NOX3: variants seen among roughly 807,000 people sequenced by gnomAD.
The protein encoded by NOX3 is NADPH oxidase 3.
A neutral mutation model predicts 76.7 loss-of-function variants in NOX3; 74 were observed. The ratio of observed to expected loss-of-function variants is 0.96; its 90% CI spans 0.80 to 1.17. NOX3 has a LOEUF of 1.17. Ranked by LOEUF, NOX3 falls within the 50% of genes most tolerant of loss-of-function variation. The pLI is 0.00. For synonymous variants in NOX3, 263 were observed against 261.1 expected (o/e 1.01, Z -0.07); for missense variants, 695 against 703.3 (o/e 0.99, Z 0.13).
Position 155,440,138 on chromosome 6 carries a change from C to T in NOX3, c.487-1G>A. 6.5e-7 allele frequency: 1 copy of T among 1,537,260 alleles called. No homozygotes were observed. Among genetic ancestry groups the T allele is most frequent in the Non-Finnish European group, 8.7e-7 (1 of 1,144,292 alleles). ...TCCTTAGCAATTCAGTGGTTGTGTT[C>T]TAAAAAAAACAACAACAACAAAAAA... On this transcript the variant is annotated splice_acceptor_variant, in intron 5 of 13. Coordinates refer to ENST00000159060, the MANE Select transcript of NOX3 (RefSeq NM_015718.3). LOFTEE classifies it high-confidence loss of function.
intron 4 of NOX3, among the ~76,000 whole-genome samples, chr6:155,452,341 T>G (rs1777156125): frequency 6.6e-6 from 1 of 152,232 alleles, no homozygotes; most frequent in Non-Finnish European, 1.5e-5. Flanking sequence ...TACTCAGCAC[T>G]ACTGTGGGCC....
chr6:155,443,537 A>G lies in NOX3; in HGVS notation c.341-119T>C, dbSNP rs866060748. On this transcript the variant is annotated intron_variant, in intron 4 of 13. Transcript: ENST00000159060. ...GTTCTGGTTTTTGTAATCTCCAAGG[A>G]AAAGTGATGTATTTACACATCTTTC... 31 of 1,204,854 alleles carry G rather than the reference A, an allele frequency of 2.6e-5. 1 individual carries two copies. The South Asian group carries it at 5.0e-4, about 19-fold the overall frequency. 74.6% of individuals were successfully genotyped at this position (1,204,854 alleles called of 1,614,324 possible).
intron 9 of NOX3, among the ~76,000 whole-genome samples, chr6:155,423,708 T>C (rs1182072231): frequency 6.6e-6 from 1 of 151,896 alleles, no homozygotes; most frequent in Non-Finnish European, 1.5e-5. Flanking sequence ...CTTGGAATAA[T>C]CTTCTCCAGT....
chr6:155,440,186 C>A, intron 5 of NOX3, 49 bp from the exon 6 acceptor site: 1 of 1,430,970 alleles, frequency 7.0e-7, no homozygotes, highest in Non-Finnish European at 9.4e-7. Flanking sequence ...AAAAAAACAC[C>A]TTGACATTAA....
Position 155,455,740 on chromosome 6 carries a change from A to C in NOX3, c.48+13T>G. Reference sequence around the variant, plus strand: ...CTATATATTTAAAGTTGAATAACAAAAATGATACTTACTACTAATATGGTG... The same window carrying C: ...CTATATATTTAAAGTTGAATAACAACAATGATACTTACTACTAATATGGTG... On this transcript the variant is annotated intron_variant, in intron 1 of 13. Coordinates refer to ENST00000159060, the MANE Select transcript of NOX3 (RefSeq NM_015718.3). The C allele has an allele frequency of 6.2e-7, 1 of 1,605,164 alleles. No homozygotes were observed. Among genetic ancestry groups the C allele is most frequent in the Non-Finnish European group, 8.5e-7 (1 of 1,172,032 alleles).
intron 7 of NOX3, among the ~76,000 whole-genome samples, chr6:155,432,605 T>C (rs897320865): frequency 6.6e-6 from 1 of 152,216 alleles, no homozygotes; most frequent in African/African-American, 2.4e-5. Flanking sequence ...TTTTTGTTGA[T>C]TTCTGGGTCT....
chr6:155,403,291 G>C (rs530608254), intron 12 of NOX3, among the ~76,000 whole-genome samples: 1 of 152,174 alleles, frequency 6.6e-6, no homozygotes, highest in African/African-American at 2.4e-5. Context: ...CTTTTGAAAG[G>C]GTGGTGCTAA....
chr6:155,427,031 T>TGTGTGTGTGTGTGTGTGTGTGG, intron 9 of NOX3, among the ~76,000 whole-genome samples: 1 of 17,268 alleles, frequency 5.8e-5, no homozygotes, highest in East Asian at 3.1e-3. Flanking sequence ...GTGTGTGTGC[T>TGTGTGTGTGTGTGTGTGTGTGG]GGGGGGGTTG....
intron 7 of NOX3, among the ~76,000 whole-genome samples, chr6:155,431,401 A>G (rs1286630296): frequency 8.9e-6 from 1 of 112,034 alleles, no homozygotes; most frequent in Non-Finnish European, 1.8e-5. Context: ...GGTCTGCCTG[A>G]ATAAACACAG....
At chr6:155,449,076 C>A (rs1174245086) in intron 4 of NOX3, among the ~76,000 whole-genome samples, 2 of 152,170 alleles carry the variant, frequency 1.3e-5, no homozygotes, top group African/African-American at 2.4e-5. Flanking sequence ...TGGTTAGGAG[C>A]AATCCTTGAG....
intron 6 of NOX3, among the ~76,000 whole-genome samples, chr6:155,437,439 G>C (rs1776922819): frequency 6.6e-6 from 1 of 152,186 alleles, no homozygotes; most frequent in African/African-American, 2.4e-5. Context: ...TGTGGCCCCT[G>C]TTATATCACA....
At chr6:155,439,458 G>T (rs1031679430) in intron 6 of NOX3, among the ~76,000 whole-genome samples, 3 of 152,132 alleles carry the variant, frequency 2.0e-5, no homozygotes, top group African/African-American at 7.2e-5. Flanking sequence ...GGAAACTGAG[G>T]CTCAGAGGAC....
chr6:155,423,746 T>C (rs1776721974), intron 9 of NOX3, among the ~76,000 whole-genome samples: 1 of 148,816 alleles, frequency 6.7e-6, no homozygotes, highest in Non-Finnish European at 1.5e-5. Context: ...TCTTTTTCTT[T>C]TTTTTTTTTT....
At chr6:155,411,779 C>T (rs575041527) in intron 10 of NOX3, among the ~76,000 whole-genome samples, 2 of 152,324 alleles carry the variant, frequency 1.3e-5, no homozygotes, top group Admixed American at 6.5e-5. Context: ...TCTCCAGAGA[C>T]CCCAAAGGCT....
chr6:155,412,377 C>A (rs1365426534), intron 10 of NOX3, among the ~76,000 whole-genome samples: 3 of 152,012 alleles, frequency 2.0e-5, no homozygotes, highest in African/African-American at 7.3e-5. Flanking sequence ...ATTCATGAGA[C>A]AAAAATAAAA....
At chr6:155,439,896 A>G in intron 6 of NOX3, 60 bp downstream of exon 6, 1 of 1,487,656 alleles carries the variant, frequency 6.7e-7, no homozygotes, top group East Asian at 2.3e-5. Context: ...AGGACTTTCT[A>G]AGATTATTTT....
chr6:155,415,294 C>T (rs1776610061), intron 10 of NOX3, among the ~76,000 whole-genome samples: 1 of 152,162 alleles, frequency 6.6e-6, no homozygotes, highest in South Asian at 2.1e-4. Flanking sequence ...GAAGCACTAC[C>T]AATCTGTGTT....
intron 10 of NOX3, among the ~76,000 whole-genome samples, chr6:155,412,282 T>G (rs1326619095): frequency 4.6e-5 from 7 of 152,078 alleles, no homozygotes; most frequent in African/African-American, 1.7e-4. Context: ...TGATCAATGT[T>G]CTCTTCTCTC....
intron 12 of NOX3, among the ~76,000 whole-genome samples, chr6:155,402,302 T>G (rs1779242133): frequency 2.0e-5 from 3 of 152,222 alleles, no homozygotes; most frequent in Non-Finnish European, 4.4e-5. Flanking sequence ...TTTCTGTGCT[T>G]TATCTAACTG....
Sources: allele counts gnomAD v4.1 joint callset (sites outside exome capture counted in the v4.1 genomes callset), GRCh38; gene constraint gnomAD v4.1.1; transcripts MANE v1.5; gene names NCBI Gene and HGNC (gene_info 2026-07-23, HGNC 2026-07-21).